The following SH3GL2 variants were observed in gnomAD, a reference collection of about 807,000 sequenced individuals.
SH3GL2 encodes the protein endophilin-A1.
SH3GL2 carries 24 observed loss-of-function variants against 46.0 expected under a neutral mutation model. The observed-to-expected ratio is 0.52, with a 90% CI of 0.38 to 0.73. SH3GL2 has a LOEUF of 0.73. Among genes scored for constraint, SH3GL2 ranks in the 30% least tolerant of loss-of-function variants. SH3GL2 has a pLI of 0.00. For missense variants in SH3GL2, 413 were observed against 424.2 expected (o/e 0.97, Z 0.23); for synonymous variants, 196 against 147.1 (o/e 1.33, Z -2.40).
At chr9:17,706,764 T>G (rs1821482647) in intron 1 of SH3GL2, among the ~76,000 whole-genome samples, 2 of 152,062 alleles carry the variant, frequency 1.3e-5, no homozygotes, top group South Asian at 4.1e-4. Context: ...TGCAGGTCCC[T>G]CTATTCCTGA....
At chr9:17,678,688 A>G (rs1187957701) in intron 1 of SH3GL2, among the ~76,000 whole-genome samples, 1 of 152,162 alleles carries the variant, frequency 6.6e-6, no homozygotes, top group Non-Finnish European at 1.5e-5. Flanking sequence ...TTGGTGTTTT[A>G]GACATGAAGT....
chr9:17,581,796 T>C (rs1818281115), intron 1 of SH3GL2, among the ~76,000 whole-genome samples: 2 of 152,202 alleles, frequency 1.3e-5, no homozygotes, highest in Admixed American at 1.3e-4. Context: ...CCTCCTGTGT[T>C]CAGGCGATTC....
chr9:17,601,440 C>T (rs1818670882), intron 1 of SH3GL2, among the ~76,000 whole-genome samples: 1 of 152,060 alleles, frequency 6.6e-6, no homozygotes, highest in Non-Finnish European at 1.5e-5. Flanking sequence ...AGGATGAAGG[C>T]TGGATTAACT....
chr9:17,707,509 A>AT (rs1821501802), intron 1 of SH3GL2, among the ~76,000 whole-genome samples: 1 of 151,998 alleles, frequency 6.6e-6, no homozygotes, highest in South Asian at 2.1e-4. Flanking sequence ...ATCTACCTGT[A>AT]TTTTACTGTG....
rs374802434 is a variant in SH3GL2 at position 17,697,465 on chromosome 9, G to A, written c.46-49601G>A. Among the ~76,000 whole-genome samples, 17 of 151,934 alleles carry A rather than the reference G, an allele frequency of 1.1e-4. No individual in the cohort carries two copies. The South Asian group carries it at 1.2e-3, about 11-fold the overall frequency. On this transcript the variant is annotated intron_variant, in intron 1 of 8. Transcript: ENST00000380607. ...TCTCCAACTCCTGACCTCGTGATCC[G>A]CCCACCTTGGCCTCCCAAAGTGCTG...
chr9:17,629,163 C>G (rs956781713), intron 1 of SH3GL2, among the ~76,000 whole-genome samples: 1 of 152,098 alleles, frequency 6.6e-6, no homozygotes, highest in Non-Finnish European at 1.5e-5. Flanking sequence ...GTTCTGCCTT[C>G]CATGAAGTGT....
chr9:17,701,268 A>G (rs1563818554), intron 1 of SH3GL2, among the ~76,000 whole-genome samples: 2 of 152,192 alleles, frequency 1.3e-5, no homozygotes, highest in Non-Finnish European at 2.9e-5. Flanking sequence ...ATACTTAGAA[A>G]TGATGGATAA....
intron 1 of SH3GL2, among the ~76,000 whole-genome samples, chr9:17,655,502 C>T (rs536300836): frequency 7.2e-5 from 11 of 152,266 alleles, no homozygotes; most frequent in African/African-American, 2.6e-4. Context: ...TTGATTTATG[C>T]ACCTATATAA....
chr9:17,793,071 G>A (rs1276079471), intron 7 of SH3GL2, among the ~76,000 whole-genome samples: 1 of 152,100 alleles, frequency 6.6e-6, no homozygotes, highest in African/African-American at 2.4e-5. Flanking sequence ...ATTCATTTTT[G>A]TGTTCCTGGT....
intron 1 of SH3GL2, chr9:17,735,683 C>G (rs1280538612): frequency 3.2e-6 from 2 of 617,648 alleles, no homozygotes; most frequent in Non-Finnish European, 4.0e-6. Context: ...AGAACCAATC[C>G]CCTGCATACA....
intron 1 of SH3GL2, among the ~76,000 whole-genome samples, chr9:17,723,332 T>A (rs1438955310): frequency 6.6e-6 from 1 of 152,168 alleles, no homozygotes; most frequent in African/African-American, 2.4e-5. Flanking sequence ...GTTCTCTGGT[T>A]GTTTTATGTA....
chr9:17,748,333 G>A (rs982426320), intron 2 of SH3GL2, among the ~76,000 whole-genome samples: 15 of 152,090 alleles, frequency 9.9e-5, no homozygotes, highest in Non-Finnish European at 4.4e-5. Context: ...GCAAACTATG[G>A]TACCTAGAAA....
intron 1 of SH3GL2, among the ~76,000 whole-genome samples, chr9:17,731,216 T>C (rs901180778): frequency 6.6e-6 from 1 of 152,102 alleles, no homozygotes; most frequent in African/African-American, 2.4e-5. Flanking sequence ...ATAAATCTTA[T>C]GTTTCTCCCT....
At chr9:17,658,481 G>C (rs972234624) in intron 1 of SH3GL2, among the ~76,000 whole-genome samples, 1 of 152,150 alleles carries the variant, frequency 6.6e-6, no homozygotes, top group Non-Finnish European at 1.5e-5. Flanking sequence ...ATTTATAATA[G>C]CAATTAATAA....
At chr9:17,655,504 C>T (rs576527629) in intron 1 of SH3GL2, among the ~76,000 whole-genome samples, 5 of 152,052 alleles carry the variant, frequency 3.3e-5, no homozygotes, top group South Asian at 4.2e-4. Context: ...GATTTATGCA[C>T]CTATATAAGT....
chr9:17,665,046 T>G (rs532604717), intron 1 of SH3GL2, among the ~76,000 whole-genome samples: 7 of 152,184 alleles, frequency 4.6e-5, no homozygotes, highest in South Asian at 2.1e-4. Flanking sequence ...CTCTTTACCT[T>G]GATTCACCAG....
chr9:17,733,610 C>T (rs903517517), intron 1 of SH3GL2, among the ~76,000 whole-genome samples: 1 of 150,662 alleles, frequency 6.6e-6, no homozygotes, highest in African/African-American at 2.4e-5. Context: ...CCCAGCCATC[C>T]CATTACTGGG....
intron 1 of SH3GL2, among the ~76,000 whole-genome samples, chr9:17,647,461 C>G (rs1276479002): frequency 2.0e-4 from 30 of 152,060 alleles, no homozygotes; most frequent in Non-Finnish European, 2.9e-5. Flanking sequence ...GAAACTGATG[C>G]TTTAGGAAGA....
intron 1 of SH3GL2, among the ~76,000 whole-genome samples, chr9:17,653,266 C>G (rs1819997140): frequency 6.6e-6 from 1 of 152,072 alleles, no homozygotes; most frequent in Non-Finnish European, 1.5e-5. Context: ...CCAGTGGAAA[C>G]TCTTTAAATC....
Sources: allele counts gnomAD v4.1 joint callset (sites outside exome capture counted in the v4.1 genomes callset), GRCh38; gene constraint gnomAD v4.1.1; transcripts MANE v1.5; gene names NCBI Gene and HGNC (gene_info 2026-07-23, HGNC 2026-07-21).